The following DOCK1 variants were observed in gnomAD, a reference collection of about 807,000 sequenced individuals.
The protein encoded by DOCK1 is dedicator of cytokinesis protein 1.
In DOCK1, 138 loss-of-function variants were observed where a neutral mutation model predicts 262.7. The ratio of observed to expected loss-of-function variants is 0.53; its 90% CI spans 0.46 to 0.61. The LOEUF (loss-of-function observed/expected upper bound fraction) is 0.61, where lower values mean the gene tolerates loss of function less well. Ranked by LOEUF, DOCK1 falls within the 20% of genes least tolerant of loss-of-function variation. The probability of loss-of-function intolerance (pLI) is 0.00; values close to 1 mark genes in which losing one functional copy is unlikely to be tolerated. For synonymous variants in DOCK1, 866 were observed against 867.4 expected (o/e 1.00, Z 0.03); for missense variants, 1,908 against 2,370.7 (o/e 0.80, Z 4.05).
chr10:127,186,285 A>G (rs2056223758), intron 27 of DOCK1, among the ~76,000 whole-genome samples: 1 of 152,184 alleles, frequency 6.6e-6, no homozygotes, highest in East Asian at 1.9e-4. Flanking sequence ...GGAGGCCTCA[A>G]GAAACTTAAA....
intron 29 of DOCK1, among the ~76,000 whole-genome samples, chr10:127,329,122 C>T (rs1172494498): frequency 6.6e-6 from 1 of 152,090 alleles, no homozygotes; most frequent in African/African-American, 2.4e-5. Context: ...ACTCTCAACT[C>T]CCTGTTCCCA....
At chr10:127,195,288 C>T (rs909579572) in intron 27 of DOCK1, among the ~76,000 whole-genome samples, 1 of 152,164 alleles carries the variant, frequency 6.6e-6, no homozygotes, top group African/African-American at 2.4e-5. Flanking sequence ...TGCCCTCGCC[C>T]GCCAGCTCGC....
At chr10:126,943,884 G>A (rs1010587090) in intron 1 of DOCK1, among the ~76,000 whole-genome samples, 1 of 152,176 alleles carries the variant, frequency 6.6e-6, no homozygotes, top group African/African-American at 2.4e-5. Context: ...TCGAGGCGAG[G>A]CTGGGTGCCA....
At chr10:127,242,647 T>TTTG (rs1021916366) in intron 27 of DOCK1, among the ~76,000 whole-genome samples, 4 of 152,198 alleles carry the variant, frequency 2.6e-5, no homozygotes, top group Non-Finnish European at 4.4e-5. Context: ...TTATGTTTTT[T>TTTG]TTGTTGTTGT....
chr10:126,937,513 GT>G (rs1252931098), intron 1 of DOCK1, among the ~76,000 whole-genome samples: 76 of 145,052 alleles, frequency 5.2e-4, no homozygotes, highest in Admixed American at 1.8e-3. Context: ...GTTATTTTCT[GT>G]TTTTTTTTTT....
intron 1 of DOCK1, among the ~76,000 whole-genome samples, chr10:126,945,707 G>A (rs1176359585): frequency 6.6e-6 from 1 of 152,162 alleles, no homozygotes; most frequent in Non-Finnish European, 1.5e-5. Flanking sequence ...GCTGCCACCG[G>A]CCTCTTTTTC....
At chr10:127,304,369 G>A (rs1190183297) in intron 29 of DOCK1, among the ~76,000 whole-genome samples, 1 of 152,150 alleles carries the variant, frequency 6.6e-6, no homozygotes, top group Admixed American at 6.5e-5. Context: ...TTTATGGTGA[G>A]CGAAATTCTA....
In DOCK1 at chr10:127,346,971, G is replaced by A. The variant is rs1318831174; in HGVS notation, c.3224+3225G>A. ...ACAGGAGATCCAGGACAAAGCCCCC[G>A]GAGCCTGAGATAAGACTGCCTTGAC... On this transcript the variant is annotated intron_variant, in intron 31 of 51. Transcript: ENST00000623213. Among the ~76,000 whole-genome samples the A allele has an allele frequency of 3.9e-5, 6 of 152,178 alleles. No individual in the cohort carries two copies. In the East Asian group the frequency reaches 5.8e-4, roughly 15 times the overall value.
At position 127,031,717 on chromosome 10, in the gene DOCK1, C is replaced by G. The variant is rs200438371; in HGVS notation, c.1692C>G (p.Thr564=). The G allele has an allele frequency of 1.9e-6, 3 of 1,613,234 alleles. No individual in the cohort carries two copies. The highest frequency in any genetic ancestry group is 1.3e-5 in the African/African-American group (1 of 74,984). The change falls in exon 17 of 52, where the codon ACC becomes ACG. Residue 564 remains threonine (T), a synonymous_variant. Coordinates refer to ENST00000623213, the MANE Select transcript of DOCK1 (RefSeq NM_001290223.2). ...AGCTGATGAGATACGATGGTACCAC[C>G]CTGCGAGACGGAGAGCACGATCTTA... ...FVKLMRYDGT[T]LRDGEHDLIV... is the part of the protein sequence containing the mutation.
intron 21 of DOCK1, among the ~76,000 whole-genome samples, chr10:127,050,073 G>A (rs983104386): frequency 2.2e-5 from 3 of 136,982 alleles, no homozygotes; most frequent in Non-Finnish European, 4.6e-5. Context: ...ACCATTTATT[G>A]AACCGGCTCT....
intron 1 of DOCK1, among the ~76,000 whole-genome samples, chr10:126,963,578 TCCCTC>T (rs2037393382): frequency 1.9e-5 from 2 of 103,856 alleles, no homozygotes; most frequent in East Asian, 6.8e-4. Flanking sequence ...TCCCTCTCCT[TCCCTC>T]CCTTCCCTTC....
chr10:127,427,320 A>G (rs959413970), intron 47 of DOCK1, among the ~76,000 whole-genome samples: 5 of 152,062 alleles, frequency 3.3e-5, no homozygotes, highest in Middle Eastern at 3.2e-3. Flanking sequence ...GGGGTGTGCC[A>G]TTTTGGTTTT....
chr10:126,978,120 G>C (rs2134781566), intron 3 of DOCK1, 132 bp downstream of exon 3: 1 of 868,028 alleles, frequency 1.2e-6, no homozygotes, highest in Non-Finnish European at 1.8e-6. Flanking sequence ...AAAATATATG[G>C]GTAGGAATGT....
chr10:127,400,644 G>A (rs1366423856), intron 38 of DOCK1, among the ~76,000 whole-genome samples: 2 of 152,252 alleles, frequency 1.3e-5, no homozygotes, highest in African/African-American at 4.8e-5. Context: ...CTGACAAGGT[G>A]ATTGGAGGCC....
At chr10:126,919,632 C>T (rs2032967657) in intron 1 of DOCK1, among the ~76,000 whole-genome samples, 1 of 152,162 alleles carries the variant, frequency 6.6e-6, no homozygotes, top group South Asian at 2.1e-4. Flanking sequence ...GGCTCTGTGG[C>T]CGTCAGCCCG....
At chr10:127,335,361 A>T (rs1180850736) in intron 29 of DOCK1, among the ~76,000 whole-genome samples, 1 of 152,194 alleles carries the variant, frequency 6.6e-6, no homozygotes, top group Non-Finnish European at 1.5e-5. Flanking sequence ...ATGATCCTGC[A>T]CTGTGTGGAG....
At chr10:127,090,933 A>G (rs2047486679) in intron 23 of DOCK1, among the ~76,000 whole-genome samples, 1 of 151,196 alleles carries the variant, frequency 6.6e-6, no homozygotes, top group Non-Finnish European at 1.5e-5. Context: ...TGTAGCGTAT[A>G]GAGCTGCTAT....
At chr10:127,264,324 G>A (rs995618365) in intron 29 of DOCK1, among the ~76,000 whole-genome samples, 3 of 152,116 alleles carry the variant, frequency 2.0e-5, no homozygotes, top group Non-Finnish European at 2.9e-5. Flanking sequence ...ATTATCAATC[G>A]CTTCCAGGCA....
intron 29 of DOCK1, among the ~76,000 whole-genome samples, chr10:127,302,755 T>G (rs2061730621): frequency 6.7e-6 from 1 of 149,794 alleles, no homozygotes; most frequent in African/African-American, 2.5e-5. Flanking sequence ...TGTGTGTGTG[T>G]GTGTGTGTGT....
Sources: allele counts gnomAD v4.1 joint callset (sites outside exome capture counted in the v4.1 genomes callset), GRCh38; gene constraint gnomAD v4.1.1; transcripts MANE v1.5; gene names NCBI Gene and HGNC (gene_info 2026-07-23, HGNC 2026-07-21).